Variants in CLASP2 observed in about 807,000 individuals in gnomAD.
CLASP2 encodes cytoplasmic linker associated protein 2.
A neutral mutation model predicts 194.4 loss-of-function variants in CLASP2; 47 were observed. The ratio of observed to expected loss-of-function variants is 0.24; its 90% CI spans 0.19 to 0.31. CLASP2 has a LOEUF of 0.31. CLASP2 is among the 10% of genes least tolerant of loss of function. The probability of loss-of-function intolerance (pLI) is 1.00; values close to 1 mark genes in which losing one functional copy is unlikely to be tolerated. For missense variants in CLASP2, 1,445 were observed against 1,823.6 expected, an observed-to-expected ratio of 0.79 and a Z score of 3.78; for synonymous variants, 619 against 633.5, an observed-to-expected ratio of 0.98 and a Z score of 0.34.
chr3:33,603,826 T>G (rs1193106581), intron 17 of CLASP2, among the ~76,000 whole-genome samples: 2 of 152,180 alleles, frequency 1.3e-5, no homozygotes, highest in Non-Finnish European at 2.9e-5. Context: ...TCTCCCCATG[T>G]TGGCCAGGCT....
chr3:33,501,629 TA>T, intron 38 of CLASP2, 22 bp downstream of exon 38: 2 of 1,445,744 alleles, frequency 1.4e-6, no homozygotes, highest in Non-Finnish European at 1.9e-6. Flanking sequence ...CCACCATCTC[TA>T]AAACACAGCA....
At chr3:33,606,873 G>GACAA in intron 15 of CLASP2, 115 bp from the exon 16 acceptor site, 1 of 750,200 alleles carries the variant, frequency 1.3e-6, no homozygotes, top group Non-Finnish European at 2.1e-6. Flanking sequence ...AGCATTATCT[G>GACAA]ATATTTGTCA....
At chr3:33,525,020 G>T (rs1039603928) in intron 34 of CLASP2, among the ~76,000 whole-genome samples, 4 of 152,176 alleles carry the variant, frequency 2.6e-5, no homozygotes, top group African/African-American at 9.7e-5. Flanking sequence ...TAGGTTATAT[G>T]TTGGGACACA....
chr3:33,714,652 T>G (rs762541279), intron 1 of CLASP2, among the ~76,000 whole-genome samples: 1 of 152,198 alleles, frequency 6.6e-6, no homozygotes, highest in Non-Finnish European at 1.5e-5. Context: ...AAACCAGGCC[T>G]AGCCACGATT....
intron 2 of CLASP2, among the ~76,000 whole-genome samples, chr3:33,692,566 T>C (rs2091469293): frequency 6.6e-6 from 1 of 152,198 alleles, no homozygotes; most frequent in South Asian, 2.1e-4. Flanking sequence ...ACTCTACCAG[T>C]TACTAATTAC....
At chr3:33,686,917 T>A in intron 5 of CLASP2, 143 bp downstream of exon 5, 1 of 556,052 alleles carries the variant, frequency 1.8e-6, no homozygotes, top group South Asian at 2.8e-5. Flanking sequence ...CTAACTTTGA[T>A]GGATTTTTTT....
chr3:33,584,867 T>A lies in CLASP2; in HGVS notation c.2122A>T (p.Thr708Ser). ...GRVLTTTALSTVSSGVQRVLV... is the reference protein window; with the variant it reads ...GRVLTTTALSSVSSGVQRVLV... Reference sequence around the variant, plus strand: ...ACTCTTTGAACACCAGAGCTCACAGTGGACAGGGCTGTTGTGGTCAGAACT... The same window carrying A: ...ACTCTTTGAACACCAGAGCTCACAGAGGACAGGGCTGTTGTGGTCAGAACT... Residue 708 changes from threonine to serine, a missense_variant, in exon 22 of 39, where the codon ACT (threonine) becomes TCT (serine). By Grantham distance (58) the Thr-to-Ser change is moderately conservative (BLOSUM62 1). Around this residue, in one of 4 missense-constraint regions of CLASP2, gnomAD observed 732 missense variants for 987.9 expected, o/e 0.74. Coordinates refer to ENST00000682230, the MANE Select transcript of CLASP2 (RefSeq NM_001365631.1). 6.2e-7 allele frequency: 1 copy of A among 1,613,910 alleles called. No individual in the cohort carries two copies. The highest frequency in any genetic ancestry group is 8.5e-7 in the Non-Finnish European group (1 of 1,179,866).
chr3:33,711,575 T>C (rs2093012025), intron 1 of CLASP2, among the ~76,000 whole-genome samples: 1 of 151,560 alleles, frequency 6.6e-6, no homozygotes, highest in Non-Finnish European at 1.5e-5. Context: ...TAGCATTTTA[T>C]CAAATAAGGA....
chr3:33,603,974 C>A (rs146744316), intron 17 of CLASP2, among the ~76,000 whole-genome samples, 180 bp downstream of exon 17: 1 of 152,242 alleles, frequency 6.6e-6, no homozygotes, highest in Non-Finnish European at 1.5e-5. Context: ...GTATGGCTTC[C>A]TGGAACTTCG....
Position 33,696,894 on chromosome 3 carries a change from C to A in CLASP2, c.235G>T (p.Asp79Tyr). The change falls in exon 2 of 39, where the codon GAC becomes TAC. Residue 79 changes from aspartate to tyrosine, a missense_variant. Asp to Tyr is a radical substitution (Grantham distance 160, BLOSUM62 -3). Transcript: ENST00000682230. ...GATTTAAAGCGTGTTGATAATCTGT[C>A]CACAAAGGCACTTAAAATTTCCAAT... ...MGLEILSAFV[D>Y]RLSTRFKSYV... The A allele has an allele frequency of 1.3e-6, 2 of 1,596,878 alleles. No individual in the cohort carries two copies. Among genetic ancestry groups the A allele is most frequent in the Non-Finnish European group, 1.7e-6 (2 of 1,170,130 alleles).
At chr3:33,677,268 G>A (rs578119851) in intron 6 of CLASP2, among the ~76,000 whole-genome samples, 47 of 151,680 alleles carry the variant, frequency 3.1e-4, no homozygotes, top group African/African-American at 8.2e-4. Flanking sequence ...TGTTTATTGC[G>A]GCATTATTCA....
In CLASP2 at chr3:33,577,275, A is replaced by G. The variant is rs747530790; in HGVS notation, c.2348-1000T>C. ...AATGGTGTCTGGAGGCTGGAATAAC[A>G]GGACCATACAAACCTCATCTATTAC... On this transcript the variant is annotated intron_variant, in intron 23 of 38. Transcript: ENST00000682230. 18 of 1,596,564 alleles carry G rather than the reference A, an allele frequency of 1.1e-5. No homozygotes were observed. The East Asian group carries it at 3.6e-4, about 32-fold the overall frequency.
intron 28 of CLASP2, among the ~76,000 whole-genome samples, chr3:33,560,307 A>G (rs1261486610): frequency 6.6e-6 from 1 of 151,506 alleles, no homozygotes; most frequent in African/African-American, 2.4e-5. Flanking sequence ...CAGTGGTGCA[A>G]TCTCGGCTCA....
intron 37 of CLASP2, chr3:33,503,431 T>G (rs1186195244): frequency 1.4e-5 from 2 of 147,568 alleles, no homozygotes; most frequent in East Asian, 4.0e-4. Flanking sequence ...TCTTTTTCCT[T>G]TTTTTTTTTT....
At position 33,624,947 on chromosome 3, in the gene CLASP2, A is replaced by T. The variant is rs544185149; in HGVS notation, c.1035+2041T>A. 8.5e-5 allele frequency among the ~76,000 whole-genome samples: 13 copies of T among 152,240 alleles called. 1 individual carries two copies. Among genetic ancestry groups the T allele is most frequent in the Admixed American group, 6.5e-4 (10 of 15,284 alleles). ...AATTGAAAAGAAAACAGATGCTCTC[A>T]AACACTGTAAGATTATACATGACTA... On this transcript the variant is annotated intron_variant, in intron 10 of 38. Coordinates refer to ENST00000682230, the MANE Select transcript of CLASP2 (RefSeq NM_001365631.1).
At chr3:33,697,485 T>TG (rs1184554429) in intron 1 of CLASP2, among the ~76,000 whole-genome samples, 12 of 152,364 alleles carry the variant, frequency 7.9e-5, no homozygotes, top group African/African-American at 2.6e-4. Flanking sequence ...GCAACAATTA[T>TG]GACGTCACCA....
At chr3:33,644,615 T>G in intron 8 of CLASP2, 142 bp downstream of exon 8, 1 of 830,066 alleles carries the variant, frequency 1.2e-6, no homozygotes, top group Non-Finnish European at 2.0e-6. Context: ...GGGCATCGTA[T>G]TCTTCTGAAT....
chr3:33,549,307 T>C (rs558178627), intron 30 of CLASP2, among the ~76,000 whole-genome samples: 1 of 152,326 alleles, frequency 6.6e-6, no homozygotes, highest in East Asian at 1.9e-4. Context: ...TGTCTTATGG[T>C]GGTGAATCGA....
Position 33,565,913 on chromosome 3 carries a change from T to C in CLASP2, c.2766+819A>G, listed in dbSNP as rs182509439. Among the ~76,000 whole-genome samples, 4 of 152,168 alleles carry C rather than the reference T, an allele frequency of 2.6e-5. No homozygotes were observed. The East Asian group carries it at 5.8e-4, about 22-fold the overall frequency. ...AGGTTTCTGGTCAACACTAGGCTAT[T>C]AGTAGTTATGTTTTGGGGAGTTAAA... On this transcript the variant is annotated intron_variant, in intron 27 of 38. Transcript: ENST00000682230.
Sources: allele counts gnomAD v4.1 joint callset (sites outside exome capture counted in the v4.1 genomes callset), GRCh38; gene constraint gnomAD v4.1.1; regional missense constraint gnomAD v4.1.1; transcripts MANE v1.5; gene names NCBI Gene and HGNC (gene_info 2026-07-23, HGNC 2026-07-21).